Variants in GPHN observed in about 807,000 individuals in gnomAD.
GPHN encodes gephyrin.
In GPHN, 17 loss-of-function variants were observed where a neutral mutation model predicts 95.5. The ratio of observed to expected loss-of-function variants is 0.18; its 90% CI spans 0.12 to 0.27. GPHN has a LOEUF of 0.27. Among genes scored for constraint, GPHN ranks in the 10% least tolerant of loss-of-function variants. The pLI is 1.00. For missense variants in GPHN, 660 were observed against 978.1 expected (o/e 0.67, Z 4.34); for synonymous variants, 320 against 322.5 (o/e 0.99, Z 0.08).
the GPHN span, among the ~76,000 whole-genome samples, chr14:67,475,049 G>C: frequency 6.6e-6 from 1 of 151,494 alleles, no homozygotes; most frequent in Non-Finnish European, 1.5e-5. Flanking sequence ...CTGAGTAGCT[G>C]GGACTACAGG....
chr14:67,458,422 G>T, the GPHN span, among the ~76,000 whole-genome samples: 90 of 152,200 alleles, frequency 5.9e-4, no homozygotes, highest in Admixed American at 9.2e-4. Context: ...CGGGTGCTCG[G>T]GATACCACAG....
the GPHN span, chr14:67,392,434 G>A: frequency 6.3e-7 from 1 of 1,598,798 alleles, no homozygotes; most frequent in African/African-American, 1.3e-5. Context: ...CAGCCTAGGG[G>A]GAAGGAGGGA....
At chr14:66,737,612 G>A (rs184126989) in intron 2 of GPHN, among the ~76,000 whole-genome samples, 122 of 152,168 alleles carry the variant, frequency 8.0e-4, no homozygotes, top group Non-Finnish European at 1.3e-3. Context: ...TGAAAGCCTG[G>A]CTTTTAAGCA....
chr14:67,070,715 A>AAAAAAAAAAATATATATAT, intron 11 of GPHN, among the ~76,000 whole-genome samples: 2 of 80,740 alleles, frequency 2.5e-5, no homozygotes, highest in African/African-American at 1.3e-4. Context: ...AAAAAAAAAA[A>AAAAAAAAAAATATATATAT]ATATATATAT....
At chr14:67,230,433 A>C in the GPHN span, among the ~76,000 whole-genome samples, 232 of 152,240 alleles carry the variant, frequency 1.5e-3, 6 homozygotes, top group East Asian at 9.7e-4. Flanking sequence ...TAAGCTGGGT[A>C]TGATGGCCCA....
chr14:66,517,044 C>T (rs1490545534), intron 1 of GPHN, among the ~76,000 whole-genome samples: 1 of 142,922 alleles, frequency 7.0e-6, no homozygotes, highest in Non-Finnish European at 1.5e-5. Context: ...AGGAGAATCA[C>T]TTGAACCCCT....
At chr14:67,013,727 T>C (rs1228798722) in intron 9 of GPHN, among the ~76,000 whole-genome samples, 1 of 151,864 alleles carries the variant, frequency 6.6e-6, no homozygotes, top group East Asian at 1.9e-4. Flanking sequence ...ATCTAAAATA[T>C]GATTTAGAAA....
the GPHN span, among the ~76,000 whole-genome samples, chr14:67,341,647 A>C: frequency 6.6e-6 from 1 of 152,004 alleles, no homozygotes; most frequent in Non-Finnish European, 1.5e-5. Flanking sequence ...GGAAGTGAGG[A>C]GCCCCTCTGC....
At chr14:67,225,168 C>T in the GPHN span, 4 of 1,583,406 alleles carry the variant, frequency 2.5e-6, no homozygotes, top group Non-Finnish European at 3.4e-6. Context: ...ACTTGTGCCT[C>T]ATCTGTCTGC....
At chr14:66,655,897 T>G (rs2065278646) in intron 1 of GPHN, among the ~76,000 whole-genome samples, 2 of 152,132 alleles carry the variant, frequency 1.3e-5, no homozygotes, top group South Asian at 4.1e-4. Context: ...ATGTTTTACA[T>G]TGATTGATTT....
the GPHN span, among the ~76,000 whole-genome samples, chr14:67,637,033 T>TTTC: frequency 6.6e-6 from 1 of 152,184 alleles, no homozygotes; most frequent in Non-Finnish European, 1.5e-5. Flanking sequence ...TTTTCATCAT[T>TTTC]ACCCTAAGCT....
intron 1 of GPHN, among the ~76,000 whole-genome samples, chr14:66,570,503 A>G (rs891870597): frequency 2.6e-5 from 4 of 151,812 alleles, no homozygotes; most frequent in African/African-American, 9.7e-5. Context: ...ACAGGGTTTC[A>G]CTATGTTGGC....
chr14:67,203,415 G>T, the GPHN span: 7 of 752,870 alleles, frequency 9.3e-6, no homozygotes, highest in Non-Finnish European at 1.2e-5. Flanking sequence ...ACTCCCTGCT[G>T]CAAATGACAA....
At chr14:67,721,795 TTA>T in the GPHN span, among the ~76,000 whole-genome samples, 1 of 150,634 alleles carries the variant, frequency 6.6e-6, no homozygotes, top group African/African-American at 2.4e-5. Context: ...AAACCATATA[TTA>T]TATATATAAT....
chr14:67,095,720 A>C (rs1178179330), intron 12 of GPHN, among the ~76,000 whole-genome samples: 1 of 152,024 alleles, frequency 6.6e-6, no homozygotes, highest in African/African-American at 2.4e-5. Context: ...ATAGATGGGA[A>C]TTGAACAGTG....
chr14:67,033,480 C>T (rs138137784), intron 10 of GPHN, among the ~76,000 whole-genome samples: 13 of 152,084 alleles, frequency 8.5e-5, no homozygotes, highest in African/African-American at 2.9e-4. Flanking sequence ...AAAAGAATCG[C>T]TTGAACCCAG....
chr14:66,894,313 A>G (rs2064706174), intron 5 of GPHN, among the ~76,000 whole-genome samples: 1 of 152,228 alleles, frequency 6.6e-6, no homozygotes, highest in Non-Finnish European at 1.5e-5. Context: ...AGCCATATGT[A>G]GTAAGCTGAA....
intron 1 of GPHN, among the ~76,000 whole-genome samples, chr14:66,631,988 A>G (rs1242445293): frequency 6.6e-6 from 1 of 152,072 alleles, no homozygotes; most frequent in Non-Finnish European, 1.5e-5. Flanking sequence ...TCCCAATCCA[A>G]CTACCCTACC....
At position 66,838,874 on chromosome 14, in the gene GPHN, C is replaced by G. The variant is rs988352690; in HGVS notation, c.294+14308C>G. 5.8e-4 allele frequency among the ~76,000 whole-genome samples: 89 copies of G among 152,218 alleles called. 1 individual carries two copies. The highest frequency in any genetic ancestry group is 1.2e-3 in the Non-Finnish European group (79 of 67,998). On this transcript the variant is annotated intron_variant, in intron 4 of 22. Coordinates refer to ENST00000478722, the MANE Select transcript of GPHN (RefSeq NM_020806.5). The stretch of plus-strand genomic sequence containing the variant: ...TACTATGAACTTCTCAGAATAATAT[C>G]ACTGAATTAGAAGGGCAGAATATTT...
Sources: gnomAD v4.1 joint callset for allele counts (sites outside exome capture counted in the v4.1 genomes callset) on GRCh38, gnomAD v4.1.1 for gene constraint, MANE v1.5 for transcripts, NCBI Gene and HGNC (gene_info 2026-07-23, HGNC 2026-07-21) for gene names.